The following PCDH11X variants were observed in gnomAD, a reference collection of about 807,000 sequenced individuals.
PCDH11X encodes the protein protocadherin-11 X-linked.
In PCDH11X, 18 loss-of-function variants were observed where a neutral mutation model predicts 53.3. The observed-to-expected ratio is 0.34, with a 90% CI of 0.23 to 0.50. The LOEUF is 0.50. PCDH11X is among the 20% of genes least tolerant of loss of function. The probability of loss-of-function intolerance (pLI) is 0.98; values close to 1 mark genes in which losing one functional copy is unlikely to be tolerated. For missense variants in PCDH11X, 570 were observed against 1,032.4 expected (o/e 0.55, Z 6.14); for synonymous variants, 279 against 393.3 (o/e 0.71, Z 3.44).
At chrX:92,086,806 A>T (rs188408786) in intron 6 of PCDH11X, among the ~76,000 whole-genome samples, 5 of 111,289 alleles carry the variant, frequency 4.5e-5, no homozygotes, top group Admixed American at 1.9e-4. Flanking sequence ...AGGCACACAC[A>T]ATACTTTTGA....
chrX:92,614,769 C>A (rs1046969722), intron 10 of PCDH11X, among the ~76,000 whole-genome samples: 2 of 110,884 alleles, frequency 1.8e-5, no homozygotes, highest in African/African-American at 6.6e-5. Flanking sequence ...GCTGGGAAAC[C>A]TCCTCAGCCC....
At chrX:91,957,408 C>A (rs1463121760) in intron 6 of PCDH11X, among the ~76,000 whole-genome samples, 1 of 110,980 alleles carries the variant, frequency 9.0e-6, no homozygotes, top group Non-Finnish European at 1.9e-5. Context: ...TACCTTCAAT[C>A]TTTTAGGTTG....
intron 10 of PCDH11X, among the ~76,000 whole-genome samples, chrX:92,488,044 T>A (rs1426641411): frequency 3.6e-5 from 4 of 112,475 alleles, no homozygotes; most frequent in African/African-American, 1.3e-4. Context: ...CAAGTCATCC[T>A]CCTGCCTCAG....
chrX:92,328,752 G>T (rs1352537909), intron 8 of PCDH11X, among the ~76,000 whole-genome samples: 4 of 110,257 alleles, frequency 3.6e-5, no homozygotes, highest in African/African-American at 1.3e-4. Context: ...AGCTTGAGTA[G>T]CCCTATATCA....
chrX:92,572,925 G>A (rs1181247351), intron 10 of PCDH11X, among the ~76,000 whole-genome samples: 1 of 109,184 alleles, frequency 9.2e-6, no homozygotes, highest in Non-Finnish European at 1.9e-5. Context: ...ACAAGCTCAG[G>A]AATTTAGAGA....
chrX:92,297,551 G>T (rs1000333288), intron 8 of PCDH11X, among the ~76,000 whole-genome samples: 4 of 111,516 alleles, frequency 3.6e-5, no homozygotes, highest in Non-Finnish European at 7.5e-5. Flanking sequence ...TTACTGTGTA[G>T]CCTTGTAATA....
chrX:92,619,022 A>G lies in PCDH11X; in HGVS notation c.*82A>G, dbSNP rs973378161. ...TACAATTCCAATGAGTATTCTGATT[A>G]TCAGATTTGTAAATAACTATGTAAA... On this transcript the variant is annotated 3_prime_UTR_variant, in exon 11 of 11. Transcript: ENST00000682573. The G allele has an allele frequency of 4.7e-4, 456 of 979,453 alleles. No homozygotes were observed. Among genetic ancestry groups the G allele is most frequent in the Non-Finnish European group, 4.2e-4 (290 of 697,763 alleles). The allele number at this position is 979,453 out of a possible 1,213,427, so 80.7% of individuals were successfully genotyped here.
At chrX:92,044,017 T>C (rs1180597579) in intron 6 of PCDH11X, among the ~76,000 whole-genome samples, 3 of 111,518 alleles carry the variant, frequency 2.7e-5, no homozygotes, top group African/African-American at 9.7e-5. Flanking sequence ...GTCTAGCTGC[T>C]TGGCAATGGA....
intron 6 of PCDH11X, among the ~76,000 whole-genome samples, chrX:92,049,163 A>G (rs2063332917): frequency 9.0e-6 from 1 of 110,851 alleles, no homozygotes; most frequent in Admixed American, 9.7e-5. Flanking sequence ...TTAGCTGATT[A>G]TCTCCTGGAT....
chrX:92,030,107 C>T (rs2148012735), intron 6 of PCDH11X, among the ~76,000 whole-genome samples: 2 of 111,487 alleles, frequency 1.8e-5, no homozygotes, highest in Admixed American at 1.9e-4. Flanking sequence ...GGACTACAGG[C>T]ACGTGCCACC....
rs11355574 is a variant in PCDH11X at position 91,969,403 on chromosome X, T to TA, written c.3033+90140dup. On this transcript the variant is annotated intron_variant, in intron 6 of 10. Transcript: ENST00000682573. Reference sequence around the variant, plus strand: ...CTTGGAAAATAGTGTCTTGTTAGATTAAAAAAAAAAGTGATTGTTTAAAAA... The same window carrying TA: ...CTTGGAAAATAGTGTCTTGTTAGATTAAAAAAAAAAAGTGATTGTTTAAAAA... Among the ~76,000 whole-genome samples the TA allele has an allele frequency of 1.4e-4, 14 of 102,045 alleles. No individual in the cohort carries two copies. In the East Asian group the frequency reaches 3.1e-3, roughly 23 times the overall value. The allele number at this position is 102,045 out of a possible 115,157, so 88.6% of individuals were successfully genotyped here. A position where few individuals can be genotyped will look rare whatever the true frequency, so the allele number is the denominator to read the frequency against.
At chrX:91,936,667 T>C (rs1226339876) in intron 6 of PCDH11X, among the ~76,000 whole-genome samples, 6 of 105,392 alleles carry the variant, frequency 5.7e-5, no homozygotes, top group Non-Finnish European at 1.2e-4. Flanking sequence ...TGTTTATTTG[T>C]TTTTGTTTTT....
intron 6 of PCDH11X, among the ~76,000 whole-genome samples, chrX:91,961,635 A>G (rs2061789213): frequency 2.7e-5 from 3 of 109,124 alleles, no homozygotes; most frequent in Admixed American, 9.8e-5. Context: ...ACAGGGAAAG[A>G]TCAGATGCAT....
At chrX:92,467,465 C>T (rs1360927637) in intron 9 of PCDH11X, among the ~76,000 whole-genome samples, 2 of 110,771 alleles carry the variant, frequency 1.8e-5, no homozygotes, top group Non-Finnish European at 3.8e-5. Context: ...CAGATGTGAT[C>T]AGGAAATTAT....
chrX:91,965,551 C>G (rs2061851093), intron 6 of PCDH11X, among the ~76,000 whole-genome samples: 1 of 106,873 alleles, frequency 9.4e-6, no homozygotes, highest in African/African-American at 3.5e-5. Flanking sequence ...GTGAGTTAAA[C>G]TTAATTTATA....
chrX:92,339,555 A>G (rs1429585735), intron 8 of PCDH11X, among the ~76,000 whole-genome samples: 1 of 111,328 alleles, frequency 9.0e-6, no homozygotes, highest in East Asian at 2.8e-4. Flanking sequence ...GAACTTTACC[A>G]TCACGGTGGA....
At chrX:92,469,240 G>C (rs369290989) in intron 10 of PCDH11X, among the ~76,000 whole-genome samples, 1,266 of 107,033 alleles carry the variant, frequency 0.012, 17 homozygotes, top group African/African-American at 0.041. Flanking sequence ...CTTTAATTTT[G>C]ACATATTAGC....
chrX:91,863,452 ATCTTTTTC>A (rs1938798715), intron 5 of PCDH11X, among the ~76,000 whole-genome samples: 1 of 111,866 alleles, frequency 8.9e-6, no homozygotes, highest in Admixed American at 9.5e-5. Context: ...GGCATGGAAT[ATCTTTTTC>A]TCTTTTTCAT....
chrX:92,232,924 C>T (rs1474251101), intron 7 of PCDH11X, among the ~76,000 whole-genome samples: 2 of 111,337 alleles, frequency 1.8e-5, no homozygotes, highest in East Asian at 2.8e-4. Flanking sequence ...ACCATGTTAG[C>T]CAGGATGGTC....
Sources: allele counts gnomAD v4.1 joint callset (sites outside exome capture counted in the v4.1 genomes callset), GRCh38; gene constraint gnomAD v4.1.1; transcripts MANE v1.5; gene names NCBI Gene and HGNC (gene_info 2026-07-23, HGNC 2026-07-21).